Variants in RBFOX1 observed in about 807,000 individuals in gnomAD.
RBFOX1 encodes the protein RNA binding fox-1 homolog 1.
RBFOX1 carries 8 observed loss-of-function variants against 57.7 expected under a neutral mutation model. The observed-to-expected ratio is 0.14, with a 90% CI of 0.08 to 0.25. The LOEUF (loss-of-function observed/expected upper bound fraction) is 0.25, where lower values mean the gene tolerates loss of function less well. Among genes scored for constraint, RBFOX1 ranks in the 10% least tolerant of loss-of-function variants. RBFOX1 has a pLI of 1.00. For synonymous variants in RBFOX1, 326 were observed against 222.4 expected, an observed-to-expected ratio of 1.47 and a Z score of -4.15; for missense variants, 611 against 548.5, an observed-to-expected ratio of 1.11 and a Z score of -1.14.
chr16:5,978,082 G>A (rs1165545056), intron 4 of RBFOX1, among the ~76,000 whole-genome samples: 2 of 127,264 alleles, frequency 1.6e-5, no homozygotes, highest in Non-Finnish European at 3.1e-5. Flanking sequence ...TGCAGGGCAG[G>A]AGTTTAAGAC....
intron 3 of RBFOX1, among the ~76,000 whole-genome samples, chr16:5,701,723 C>T (rs2051056192): frequency 6.6e-6 from 1 of 152,162 alleles, no homozygotes; most frequent in Non-Finnish European, 1.5e-5. Context: ...TGTGAGCCAC[C>T]ACATCTGGCC....
intron 4 of RBFOX1, among the ~76,000 whole-genome samples, chr16:5,881,800 G>A (rs1329951453): frequency 6.6e-6 from 1 of 152,172 alleles, no homozygotes; most frequent in African/African-American, 2.4e-5. Context: ...CTAGATTCTA[G>A]TGTTAAATGT....
At position 5,548,658 on chromosome 16, in the gene RBFOX1, A is replaced by T. The variant is rs567091862; in HGVS notation, c.259-50244A>T. Among the ~76,000 whole-genome samples, 112 of 152,254 alleles carry T rather than the reference A, an allele frequency of 7.4e-4. 1 individual carries two copies. The highest frequency in any genetic ancestry group is 2.6e-3 in the African/African-American group (110 of 41,542). On this transcript the variant is annotated intron_variant, in intron 2 of 2. Coordinates refer to the RBFOX1 transcript ENST00000585867. Reference sequence around the variant, plus strand: ...CAACTATGTACCCAAATGATTAAAAATAAAAAAAAACTAAAAAAATTTAAA... The same window carrying T: ...CAACTATGTACCCAAATGATTAAAATTAAAAAAAAACTAAAAAAATTTAAA...
chr16:6,448,448 C>A (rs190910433), intron 2 of RBFOX1, among the ~76,000 whole-genome samples: 2 of 152,080 alleles, frequency 1.3e-5, no homozygotes, highest in Admixed American at 1.3e-4. Context: ...TGAGCCACTG[C>A]GCCCAACCAG....
At position 6,019,902 on chromosome 16, in the gene RBFOX1, G is replaced by T. The variant is rs1480804104; in HGVS notation, c.-217G>T. On this transcript the variant is annotated 5_prime_UTR_variant, in exon 1 of 16. Coordinates refer to ENST00000550418, the MANE Select transcript of RBFOX1 (RefSeq NM_018723.4). The surrounding 1 kb of genome is among the most constrained non-coding windows in gnomAD (Gnocchi z 4.2). ...CCCCTTCCGCCGCCTCCAGCTTATGGTGAGTGTGGCTGGGGGTGCAGAGAG... is the reference window on the plus strand; with the variant it reads ...CCCCTTCCGCCGCCTCCAGCTTATGTTGAGTGTGGCTGGGGGTGCAGAGAG... 2.6e-6 allele frequency: 4 copies of T among 1,535,142 alleles called. No homozygotes were observed. In the Admixed American group the frequency reaches 7.8e-5, roughly 30 times the overall value.
intron 3 of RBFOX1, among the ~76,000 whole-genome samples, chr16:6,732,803 G>C (rs536481740): frequency 3.3e-5 from 5 of 152,158 alleles, no homozygotes; most frequent in Admixed American, 6.5e-5. Flanking sequence ...TAAATAATGA[G>C]GTGGAGTTTT....
At position 7,350,610 on chromosome 16, in the gene RBFOX1, C is replaced by T. The variant is rs17648115; in HGVS notation, c.28-167537C>T. On this transcript the variant is annotated intron_variant, in intron 4 of 15. Coordinates refer to ENST00000550418, the MANE Select transcript of RBFOX1 (RefSeq NM_018723.4). ...TTAGTGGGACAAGATGCAAAACAGA[C>T]AGGACAGCTAGTATGCATGGTACTG... Among the ~76,000 whole-genome samples the T allele has an allele frequency of 3.9e-3, 587 of 152,124 alleles. 1 individual carries two copies. Among genetic ancestry groups the T allele is most frequent in the African/African-American group, 0.013 (556 of 41,500 alleles).
chr16:7,680,458 G>A (rs560732653), intron 14 of RBFOX1, among the ~76,000 whole-genome samples: 2 of 152,206 alleles, frequency 1.3e-5, no homozygotes, highest in South Asian at 2.1e-4. Context: ...GTCCCTCCAC[G>A]TCAGGGCTGA....
chr16:5,458,588 C>A (rs191819710), intron 1 of RBFOX1, among the ~76,000 whole-genome samples: 3 of 152,324 alleles, frequency 2.0e-5, no homozygotes, highest in Non-Finnish European at 4.4e-5. Flanking sequence ...GGCCTCACAG[C>A]CTAGACTGGG....
rs186292165 is a variant in RBFOX1 at position 6,958,832 on chromosome 16, G to A, written c.-15-93225G>A. Among the ~76,000 whole-genome samples the A allele has an allele frequency of 2.7e-3, 408 of 152,162 alleles. 3 individuals carry two copies. The highest frequency in any genetic ancestry group is 4.1e-3 in the Non-Finnish European group (280 of 68,000). Reference sequence around the variant, plus strand: ...GTCATTATGGAGATGAGGGTGGCCCGGCATTGCTGATTTTCAAGGAGGTAT... The same window carrying A: ...GTCATTATGGAGATGAGGGTGGCCCAGCATTGCTGATTTTCAAGGAGGTAT... On this transcript the variant is annotated intron_variant, in intron 3 of 15. Coordinates refer to ENST00000550418, the MANE Select transcript of RBFOX1 (RefSeq NM_018723.4).
At chr16:5,381,692 A>G (rs1461144345) in intron 1 of RBFOX1, among the ~76,000 whole-genome samples, 3 of 152,246 alleles carry the variant, frequency 2.0e-5, no homozygotes, top group African/African-American at 4.8e-5. Context: ...TGCCCAAGGC[A>G]TAGCAAGAGC....
At chr16:6,711,691 G>A (rs1350982871) in intron 3 of RBFOX1, among the ~76,000 whole-genome samples, 1 of 152,064 alleles carries the variant, frequency 6.6e-6, no homozygotes, top group African/African-American at 2.4e-5. Context: ...ACTTTATTAA[G>A]TCTCAGGTAT....
chr16:7,429,895 A>G (rs954038012), intron 4 of RBFOX1, among the ~76,000 whole-genome samples: 3 of 152,220 alleles, frequency 2.0e-5, no homozygotes, highest in Admixed American at 1.3e-4. Flanking sequence ...TGCAGAATGT[A>G]TCAGTAAACA....
intron 1 of RBFOX1, among the ~76,000 whole-genome samples, chr16:6,304,591 G>A (rs1353326955): frequency 6.6e-6 from 1 of 152,060 alleles, no homozygotes; most frequent in East Asian, 1.9e-4. Flanking sequence ...ACTTAGAATT[G>A]CTGTGTTGGT....
At chr16:5,553,613 C>A (rs2045553030) in intron 2 of RBFOX1, among the ~76,000 whole-genome samples, 1 of 150,810 alleles carries the variant, frequency 6.6e-6, no homozygotes, top group Non-Finnish European at 1.5e-5. Context: ...CCACGCCCAG[C>A]CATGTCTGAA....
At chr16:5,820,359 G>C (rs1448911682) in intron 3 of RBFOX1, among the ~76,000 whole-genome samples, 1 of 152,184 alleles carries the variant, frequency 6.6e-6, no homozygotes, top group African/African-American at 2.4e-5. Context: ...AATCCTGCAA[G>C]GGGGGAGGCA....
chr16:6,725,825 G>C (rs899097899), intron 3 of RBFOX1, among the ~76,000 whole-genome samples: 6 of 152,032 alleles, frequency 3.9e-5, no homozygotes, highest in Non-Finnish European at 8.8e-5. Context: ...TTCAAGCATT[G>C]GGTTGTGCAA....
At chr16:6,647,090 G>C (rs899011568) in intron 2 of RBFOX1, among the ~76,000 whole-genome samples, 3 of 152,068 alleles carry the variant, frequency 2.0e-5, no homozygotes, top group Non-Finnish European at 4.4e-5. Flanking sequence ...AGCAGTGTCA[G>C]GTTCTGATGA....
intron 4 of RBFOX1, among the ~76,000 whole-genome samples, chr16:7,274,286 A>T (rs1235063962): frequency 6.6e-6 from 1 of 152,216 alleles, no homozygotes; most frequent in Non-Finnish European, 1.5e-5. Flanking sequence ...TCGTCACAAC[A>T]GCCTCATAAA....
Sources: gnomAD v4.1 joint callset for allele counts (sites outside exome capture counted in the v4.1 genomes callset) on GRCh38, gnomAD v4.1.1 for gene constraint, Gnocchi (gnomAD v3.1) non-coding constraint, MANE v1.5 for transcripts, NCBI Gene and HGNC (gene_info 2026-07-23, HGNC 2026-07-21) for gene names.